The following EHBP1 variants were observed in gnomAD, a reference collection of about 807,000 sequenced individuals.
The protein encoded by EHBP1 is EH domain binding protein 1.
A neutral mutation model predicts 144.0 loss-of-function variants in EHBP1; 55 were observed. That is an observed-to-expected ratio of 0.38 (90% CI 0.31 to 0.48). The LOEUF is 0.48. Among genes scored for constraint, EHBP1 ranks in the 20% least tolerant of loss-of-function variants. The pLI is 0.98. For missense variants in EHBP1, 1,200 were observed against 1,364.2 expected, an observed-to-expected ratio of 0.88 and a Z score of 1.90; for synonymous variants, 469 against 472.7, an observed-to-expected ratio of 0.99 and a Z score of 0.10.
chr2:62,951,879 A>T (rs778939632), intron 13 of EHBP1, among the ~76,000 whole-genome samples: 2 of 152,088 alleles, frequency 1.3e-5, no homozygotes, highest in Non-Finnish European at 2.9e-5. Flanking sequence ...TAAAACTAGG[A>T]ATTGATTGAT....
At position 63,045,781 on chromosome 2, in the gene EHBP1, A is replaced by T; in HGVS notation, c.*281A>T. The T allele has an allele frequency of 3.3e-6, 1 of 303,576 alleles. No homozygotes were observed. Among genetic ancestry groups the T allele is most frequent in the Non-Finnish European group, 6.2e-6 (1 of 161,780 alleles). 18.8% of individuals were successfully genotyped at this position (303,576 alleles called of 1,614,324 possible). A position where few individuals can be genotyped will look rare whatever the true frequency, so the allele number is the denominator to read the frequency against. ...ACACCTTGTGAGTGATTGGTATTGG[A>T]GGTGTTCAAGAAACTGTTCGAAAAA... On this transcript the variant is annotated 3_prime_UTR_variant, in exon 23 of 23. Transcript: ENST00000431489. The surrounding 1 kb of genome is among the most constrained non-coding windows in gnomAD (Gnocchi z 5.7).
chr2:63,037,839 T>C (rs922407322), intron 20 of EHBP1, among the ~76,000 whole-genome samples: 2 of 152,112 alleles, frequency 1.3e-5, no homozygotes, highest in African/African-American at 4.8e-5. Context: ...TGAAAAAGTG[T>C]TTATTATACA....
rs185675686 is a variant in EHBP1 at position 62,921,639 on chromosome 2, A to G, written c.1186-21079A>G. ...CATACAGAAAACAACTAGCAAAATG[A>G]TGGAAGTAAGTCCCTTCTTATCACA... On this transcript the variant is annotated intron_variant, in intron 10 of 22. Transcript: ENST00000431489. Among the ~76,000 whole-genome samples, 328 of 152,284 alleles carry G rather than the reference A, an allele frequency of 2.2e-3. 4 individuals are homozygous for G. Among genetic ancestry groups the G allele is most frequent in the Non-Finnish European group, 4.0e-3 (270 of 68,016 alleles).
intron 10 of EHBP1, among the ~76,000 whole-genome samples, chr2:62,922,178 GA>G (rs1359303132): frequency 2.0e-5 from 3 of 151,754 alleles, no homozygotes; most frequent in Non-Finnish European, 4.4e-5. Flanking sequence ...CCGTCTCAAA[GA>G]AAAAAAATCA....
intron 15 of EHBP1, chr2:62,988,060 T>A: frequency 7.3e-7 from 1 of 1,375,018 alleles, no homozygotes; most frequent in African/African-American, 1.4e-5. Context: ...TTATAAATGT[T>A]TTGTGTCCTG....
chr2:62,884,838 A>G (rs1390601624), intron 10 of EHBP1, among the ~76,000 whole-genome samples: 2 of 152,210 alleles, frequency 1.3e-5, no homozygotes, highest in East Asian at 3.8e-4. Context: ...TTTTGATATG[A>G]AAGGGTCTTA....
At chr2:62,811,287 G>A (rs536583847) in intron 5 of EHBP1, among the ~76,000 whole-genome samples, 29 of 152,134 alleles carry the variant, frequency 1.9e-4, no homozygotes, top group Non-Finnish European at 3.2e-4. Flanking sequence ...GTCTGCTTCA[G>A]CATTTAATTG....
At chr2:62,776,296 T>C (rs1471657651) in intron 5 of EHBP1, among the ~76,000 whole-genome samples, 1 of 152,214 alleles carries the variant, frequency 6.6e-6, no homozygotes, top group Non-Finnish European at 1.5e-5. Flanking sequence ...GTTCTGCCAC[T>C]TACTGGCTAT....
chr2:62,988,969 GT>G (rs2059307119), intron 15 of EHBP1, among the ~76,000 whole-genome samples: 1 of 152,038 alleles, frequency 6.6e-6, no homozygotes, highest in South Asian at 2.1e-4. Flanking sequence ...GGTGACCAGG[GT>G]TTTCCTGACT....
At chr2:63,033,503 A>C (rs914864670) in intron 19 of EHBP1, among the ~76,000 whole-genome samples, 1 of 152,210 alleles carries the variant, frequency 6.6e-6, no homozygotes, top group Non-Finnish European at 1.5e-5. Flanking sequence ...TTCGTCTTCT[A>C]TTCAGCTAAA....
chr2:62,854,376 T>G (rs1341532130), intron 7 of EHBP1, among the ~76,000 whole-genome samples: 1 of 152,260 alleles, frequency 6.6e-6, no homozygotes, highest in Admixed American at 6.5e-5. Flanking sequence ...GTCTAACTGT[T>G]TAGCACAAGA....
In EHBP1 at chr2:62,948,311, G is replaced by C. The variant is rs974000870; in HGVS notation, c.1465G>C (p.Asp489His). ...IGISRLLEPS[D>H]MVLLAIPDKL... is the part of the protein sequence containing the mutation. Reference sequence around the variant, plus strand: ...AATTTCCCGATTATTGGAACCTTCTGATATGGTATTATTAGCAATTCCTGA... The same window carrying C: ...AATTTCCCGATTATTGGAACCTTCTCATATGGTATTATTAGCAATTCCTGA... Residue 489 changes from aspartate (D) to histidine (H), a missense_variant, in exon 13 of 23, where the codon GAT becomes CAT. By Grantham distance (81) the Asp-to-His change is moderately conservative. Coordinates refer to ENST00000431489, the MANE Select transcript of EHBP1 (RefSeq NM_001142616.3). 1.2e-6 allele frequency: 2 copies of C among 1,605,246 alleles called. No homozygotes were observed. The highest frequency in any genetic ancestry group is 2.7e-5 in the African/African-American group (2 of 74,532).
At chr2:62,684,492 A>C (rs1452804646) in intron 1 of EHBP1, among the ~76,000 whole-genome samples, 1 of 152,192 alleles carries the variant, frequency 6.6e-6, no homozygotes, top group Non-Finnish European at 1.5e-5. Context: ...CAAGGGTAAA[A>C]TTAGGTTTCT....
chr2:62,882,587 G>A (rs557956471), intron 10 of EHBP1, among the ~76,000 whole-genome samples: 150 of 152,252 alleles, frequency 9.9e-4, no homozygotes, highest in Admixed American at 3.7e-3. Flanking sequence ...TTTCTCTGTA[G>A]AGGAAAGGAA....
intron 10 of EHBP1, among the ~76,000 whole-genome samples, chr2:62,879,009 C>T (rs550180383): frequency 1.2e-4 from 18 of 148,692 alleles, no homozygotes; most frequent in East Asian, 3.9e-4. Context: ...CAGTGTGAGA[C>T]GCTGTCTCAA....
At chr2:62,788,857 A>T (rs1193279193) in intron 5 of EHBP1, among the ~76,000 whole-genome samples, 1 of 152,236 alleles carries the variant, frequency 6.6e-6, no homozygotes. Context: ...TAGATGCTGT[A>T]GCACAAATCT....
intron 5 of EHBP1, among the ~76,000 whole-genome samples, chr2:62,824,778 C>T (rs948304301): frequency 3.3e-5 from 5 of 151,752 alleles, no homozygotes; most frequent in Non-Finnish European, 5.9e-5. Flanking sequence ...TTACTTGTTT[C>T]GCTGGGTAGA....
chr2:62,951,356 C>T (rs887531069), intron 13 of EHBP1, among the ~76,000 whole-genome samples: 12 of 152,052 alleles, frequency 7.9e-5, no homozygotes, highest in Admixed American at 5.9e-4. Context: ...AGCCCCTGTT[C>T]TCCTAATCAT....
In EHBP1 at chr2:62,777,879, C is replaced by T. The variant is rs144397784; in HGVS notation, c.312+6487C>T. On this transcript the variant is annotated intron_variant, in intron 5 of 22. Transcript: ENST00000431489. ...TAGGCAAAAAAGGCATTCTAAGTAG[C>T]GGAAAGAAATAGCAAAAGTAACTGA... Among the ~76,000 whole-genome samples the T allele has an allele frequency of 2.0e-3, 302 of 152,000 alleles. 2 individuals carry two copies. The Middle Eastern group carries it at 0.027, about 14-fold the overall frequency.
Sources: gnomAD v4.1 joint callset for allele counts (sites outside exome capture counted in the v4.1 genomes callset) on GRCh38, gnomAD v4.1.1 for gene constraint, Gnocchi (gnomAD v3.1) non-coding constraint, MANE v1.5 for transcripts, NCBI Gene and HGNC (gene_info 2026-07-23, HGNC 2026-07-21) for gene names.